The following EPHA6 variants were observed in gnomAD, a reference collection of about 807,000 sequenced individuals.
EPHA6 encodes EPH receptor A6, also known as ephrin type-A receptor 6.
EPHA6 carries 50 observed loss-of-function variants against 112.0 expected under a neutral mutation model. The ratio of observed to expected loss-of-function variants is 0.45; its 90% CI spans 0.36 to 0.56. EPHA6 has a LOEUF of 0.56. Among genes scored for constraint, EPHA6 ranks in the 20% least tolerant of loss-of-function variants. The pLI, the probability that EPHA6 is intolerant of heterozygous loss-of-function variation, is 0.00. For synonymous variants in EPHA6, 529 were observed against 490.7 expected (o/e 1.08, Z -1.03); for missense variants, 1,280 against 1,417.4 (o/e 0.90, Z 1.56).
intron 5 of EPHA6, among the ~76,000 whole-genome samples, chr3:97,308,596 A>C (rs1315689669): frequency 2.0e-5 from 3 of 151,764 alleles, no homozygotes; most frequent in Non-Finnish European, 4.4e-5. Flanking sequence ...ACTGAAGTTT[A>C]ACATCTGTGA....
intron 5 of EPHA6, among the ~76,000 whole-genome samples, chr3:97,297,199 G>A (rs1011871295): frequency 3.3e-5 from 5 of 152,236 alleles, no homozygotes; most frequent in African/African-American, 7.2e-5. Flanking sequence ...TTCACACACC[G>A]GGGAGCCACT....
intron 3 of EPHA6, among the ~76,000 whole-genome samples, chr3:97,172,680 G>T (rs964430731): frequency 1.3e-5 from 2 of 151,820 alleles, no homozygotes; most frequent in Non-Finnish European, 2.9e-5. Context: ...GTGTACATCT[G>T]CTTTGATCAT....
intron 2 of EPHA6, among the ~76,000 whole-genome samples, chr3:96,869,023 C>G (rs531417053): frequency 2.2e-4 from 34 of 152,008 alleles, no homozygotes; most frequent in East Asian, 7.8e-4. Flanking sequence ...GAACAAATAA[C>G]GTTTTAGGCT....
chr3:97,591,515 G>A (rs1037798692), intron 11 of EPHA6, among the ~76,000 whole-genome samples: 2 of 151,838 alleles, frequency 1.3e-5, no homozygotes, highest in African/African-American at 4.8e-5. Flanking sequence ...GTGGCTGAAC[G>A]AAATACAGTC....
At chr3:97,192,020 T>C (rs1294250266) in intron 3 of EPHA6, among the ~76,000 whole-genome samples, 1 of 152,182 alleles carries the variant, frequency 6.6e-6, no homozygotes, top group African/African-American at 2.4e-5. Context: ...GGATAAAAGT[T>C]ATTTTAACTG....
intron 12 of EPHA6, among the ~76,000 whole-genome samples, chr3:97,596,282 T>A (rs2093590137): frequency 6.6e-6 from 1 of 152,176 alleles, no homozygotes; most frequent in Admixed American, 6.6e-5. Flanking sequence ...AATTATGTTG[T>A]CAAACAGTAT....
chr3:97,331,763 A>C (rs750680138), intron 5 of EPHA6, among the ~76,000 whole-genome samples: 1 of 152,188 alleles, frequency 6.6e-6, no homozygotes, highest in Non-Finnish European at 1.5e-5. Context: ...ATAGCTTACC[A>C]ACCAAAAAAA....
intron 5 of EPHA6, among the ~76,000 whole-genome samples, chr3:97,401,621 A>G (rs1043901326): frequency 4.6e-5 from 7 of 151,684 alleles, no homozygotes; most frequent in South Asian, 2.1e-4. Context: ...TTTTCAAAAT[A>G]TTAATTTCAT....
chr3:97,506,976 T>C (rs1422623875), intron 10 of EPHA6, among the ~76,000 whole-genome samples: 2 of 152,188 alleles, frequency 1.3e-5, no homozygotes, highest in Admixed American at 6.5e-5. Flanking sequence ...TGTCTATTAT[T>C]GGTGTAGAGG....
At chr3:97,376,771 G>A (rs557321651) in intron 5 of EPHA6, among the ~76,000 whole-genome samples, 1 of 152,296 alleles carries the variant, frequency 6.6e-6, no homozygotes, top group South Asian at 2.1e-4. Flanking sequence ...AGAGAACAAT[G>A]CTAAGAAATA....
At chr3:97,697,584 GC>G (rs2033121198) in intron 14 of EPHA6, among the ~76,000 whole-genome samples, 1 of 152,188 alleles carries the variant, frequency 6.6e-6, no homozygotes, top group Non-Finnish European at 1.5e-5. Context: ...GTTGATTTAT[GC>G]GTGCAATTTC....
chr3:97,346,417 T>C lies in EPHA6; in HGVS notation c.1607-58733T>C, dbSNP rs532103216. Among the ~76,000 whole-genome samples the C allele has an allele frequency of 3.9e-5, 6 of 152,236 alleles. No individual in the cohort carries two copies. The South Asian group carries it at 1.0e-3, about 26-fold the overall frequency. ...TATAATAAATGCCTTCAAACAGATA[T>C]AATAAGTGTCTTCAAAGTAGACGTT... On this transcript the variant is annotated intron_variant, in intron 5 of 17. Transcript: ENST00000389672.
At chr3:97,612,711 C>T (rs993163047) in intron 13 of EPHA6, among the ~76,000 whole-genome samples, 2 of 152,076 alleles carry the variant, frequency 1.3e-5, no homozygotes, top group Non-Finnish European at 2.9e-5. Context: ...ATACCTATCT[C>T]AGCTAATTTT....
intron 14 of EPHA6, chr3:97,646,109 G>T (rs934438562): frequency 6.6e-7 from 1 of 1,521,444 alleles, no homozygotes; most frequent in African/African-American, 1.4e-5. Context: ...AAATGACTTT[G>T]CCAATTCAGA....
rs1344861724 is a variant in EPHA6 at position 97,754,813 on chromosome 3, C to T, written c.*6112C>T. 1.3e-5 allele frequency among the ~76,000 whole-genome samples: 2 copies of T among 152,312 alleles called. No homozygotes were observed. The highest frequency in any genetic ancestry group is 1.9e-4 in the East Asian group (1 of 5,172). ...CCGCCTCCCGGGTTCACGCCATTCT[C>T]CTGCCTCAGTCTCCAGAGTAGCTGG... is the stretch of plus-strand genomic sequence containing the variant. On this transcript the variant is annotated 3_prime_UTR_variant, in exon 18 of 18. Coordinates refer to ENST00000389672, the MANE Select transcript of EPHA6 (RefSeq NM_001080448.3).
chr3:97,619,131 G>A (rs2093791183), intron 13 of EPHA6, among the ~76,000 whole-genome samples: 1 of 147,398 alleles, frequency 6.8e-6, no homozygotes, highest in South Asian at 2.1e-4. Flanking sequence ...CAATAAATGT[G>A]ATTCATAACA....
intron 11 of EPHA6, among the ~76,000 whole-genome samples, chr3:97,538,267 G>A (rs537875025): frequency 6.6e-6 from 1 of 152,276 alleles, no homozygotes; most frequent in South Asian, 2.1e-4. Context: ...CTACTTCCTA[G>A]GTGAAATTAA....
chr3:97,187,318 C>T (rs550955538), intron 3 of EPHA6, among the ~76,000 whole-genome samples: 30 of 152,160 alleles, frequency 2.0e-4, no homozygotes, highest in African/African-American at 6.0e-4. Context: ...TGGCTCACGC[C>T]TGTATTCCCA....
intron 10 of EPHA6, among the ~76,000 whole-genome samples, chr3:97,507,527 G>A (rs921173090): frequency 6.6e-6 from 1 of 152,160 alleles, no homozygotes; most frequent in Non-Finnish European, 1.5e-5. Flanking sequence ...CTTAATCGTG[G>A]TGGATAAGCT....
Sources: allele counts gnomAD v4.1 joint callset (sites outside exome capture counted in the v4.1 genomes callset), GRCh38; gene constraint gnomAD v4.1.1; transcripts MANE v1.5; gene names NCBI Gene and HGNC (gene_info 2026-07-23, HGNC 2026-07-21).